The following DNAAF11 variants were observed in gnomAD, a reference collection of about 807,000 sequenced individuals.
DNAAF11 encodes leucine rich repeat containing 6.
DNAAF11 carries 45 observed loss-of-function variants against 60.8 expected under a neutral mutation model. The observed-to-expected ratio is 0.74, with a 90% CI of 0.58 to 0.95. DNAAF11 has a LOEUF of 0.95. DNAAF11 is among the 40% of genes least tolerant of loss of function. The pLI is 0.00. For missense variants in DNAAF11, 546 were observed against 546.2 expected (o/e 1.00, Z 0.00); for synonymous variants, 191 against 183.5 (o/e 1.04, Z -0.33).
chr8:132,632,838 T>C lies in DNAAF11; in HGVS notation c.555A>G (p.Glu185=). 3 of 1,613,790 alleles carry C rather than the reference T, an allele frequency of 1.9e-6. No individual in the cohort carries two copies. Among genetic ancestry groups the C allele is most frequent in the South Asian group, 1.1e-5 (1 of 91,076 alleles). ...DHCLKRAKLK[E]EAQRKHQEED... ...CTTCTTGGTGTTTCCTCTGAGCCTC[T>C]TCCTTGAGTTTGGCTCGTTTAAGAC... Residue 185 remains glutamate (E), a synonymous_variant, in exon 5 of 12, where the codon GAA becomes GAG. Coordinates refer to ENST00000620350, the MANE Select transcript of DNAAF11 (RefSeq NM_012472.6).
intron 8 of DNAAF11, among the ~76,000 whole-genome samples, chr8:132,613,502 G>T (rs777819094): frequency 4.0e-4 from 61 of 152,314 alleles, no homozygotes; most frequent in Middle Eastern, 6.8e-3. Context: ...ACAGAAAACA[G>T]ATTAGTGGTT....
At position 132,574,295 on chromosome 8, in the gene DNAAF11, A is replaced by G. The variant is rs148081203; in HGVS notation, c.1227-1815T>C. Among the ~76,000 whole-genome samples the G allele has an allele frequency of 4.9e-3, 740 of 152,334 alleles. 11 individuals are homozygous for G. The highest frequency in any genetic ancestry group is 0.017 in the African/African-American group (712 of 41,586). On this transcript the variant is annotated intron_variant, in intron 11 of 11. Coordinates refer to ENST00000620350, the MANE Select transcript of DNAAF11 (RefSeq NM_012472.6). The stretch of plus-strand genomic sequence containing the variant: ...GGTAGGCCTGCAAGGTTGGGCATTG[A>G]CTGGTAAGCTGTTCCCTACAGCCAC...
At chr8:132,574,708 C>CCT in intron 11 of DNAAF11, among the ~76,000 whole-genome samples, 1 of 152,258 alleles carries the variant, frequency 6.6e-6, no homozygotes, top group Non-Finnish European at 1.5e-5. Context: ...AATCTCTGAA[C>CCT]CTGGGGTCAT....
chr8:132,639,030 T>C (rs926918597), intron 3 of DNAAF11, among the ~76,000 whole-genome samples: 2 of 152,220 alleles, frequency 1.3e-5, no homozygotes, highest in South Asian at 2.1e-4. Context: ...GCGAAGATAA[T>C]ATACGATGAC....
intron 10 of DNAAF11, among the ~76,000 whole-genome samples, chr8:132,608,114 G>T (rs995262886): frequency 1.3e-5 from 2 of 151,956 alleles, no homozygotes; most frequent in African/African-American, 4.8e-5. Context: ...TTTAACTTTT[G>T]GTGGTTTTTA....
intron 3 of DNAAF11, among the ~76,000 whole-genome samples, chr8:132,653,173 C>A (rs1823196151): frequency 6.6e-6 from 1 of 150,890 alleles, no homozygotes; most frequent in Non-Finnish European, 1.5e-5. Context: ...TTAAAAAACA[C>A]AAAAGAAAGT....
Position 132,661,461 on chromosome 8 carries a change from A to C in DNAAF11, c.177T>G (p.Ile59Met). 1 of 1,610,686 alleles carries C rather than the reference A, an allele frequency of 6.2e-7. No individual in the cohort carries two copies. Among genetic ancestry groups the C allele is most frequent in the South Asian group, 1.1e-5 (1 of 90,414 alleles). ...LYLQNNLIGK[I>M]ENVSKLKKLE... ...TGAGAACTAAGTACTGAAACTTACC[A>C]ATTTTCCCAATAAGATTATTTTGAA... Residue 59 changes from isoleucine to methionine, a missense_variant and splice_region_variant, in exon 2 of 12, where the codon ATT becomes ATG. Coordinates refer to ENST00000620350, the MANE Select transcript of DNAAF11 (RefSeq NM_012472.6).
chr8:132,667,876 T>TGTCCTGCTG (rs1824787589), intron 1 of DNAAF11, among the ~76,000 whole-genome samples: 1 of 152,234 alleles, frequency 6.6e-6, no homozygotes, highest in Non-Finnish European at 1.5e-5. Context: ...TACTGGAGGC[T>TGTCCTGCTG]GTCCTGCTGT....
At chr8:132,603,284 G>A (rs1490016813) in intron 10 of DNAAF11, among the ~76,000 whole-genome samples, 1 of 152,112 alleles carries the variant, frequency 6.6e-6, no homozygotes, top group Non-Finnish European at 1.5e-5. Context: ...TAGTATGTAG[G>A]AAGGAGTACA....
At chr8:132,681,968 T>C in the DNAAF11 span, among the ~76,000 whole-genome samples, 1 of 152,232 alleles carries the variant, frequency 6.6e-6, no homozygotes, top group South Asian at 2.1e-4. Context: ...GTTTAGTTGA[T>C]TGAATTTTGC....
chr8:132,625,186 C>G, intron 6 of DNAAF11, 86 bp downstream of exon 6: 1 of 1,070,556 alleles, frequency 9.3e-7, no homozygotes, highest in Non-Finnish European at 1.3e-6. Flanking sequence ...AGGTTTAACA[C>G]AAATAATGGG....
intron 5 of DNAAF11, among the ~76,000 whole-genome samples, chr8:132,626,722 C>T (rs144941765): frequency 2.6e-5 from 4 of 152,228 alleles, no homozygotes; most frequent in Admixed American, 6.5e-5. Context: ...CTAGAATAGA[C>T]ACTTTATTAG....
chr8:132,690,191 T>G, the DNAAF11 span, among the ~76,000 whole-genome samples: 1 of 152,174 alleles, frequency 6.6e-6, no homozygotes, highest in Non-Finnish European at 1.5e-5. Flanking sequence ...AATCTTACAT[T>G]GGTGATATGG....
At chr8:132,690,791 G>A in the DNAAF11 span, among the ~76,000 whole-genome samples, 2 of 152,126 alleles carry the variant, frequency 1.3e-5, no homozygotes, top group Non-Finnish European at 2.9e-5. Flanking sequence ...GTATTTTGTA[G>A]AATGTCCTTC....
chr8:132,688,670 G>T, the DNAAF11 span, among the ~76,000 whole-genome samples: 1 of 152,164 alleles, frequency 6.6e-6, no homozygotes, highest in Non-Finnish European at 1.5e-5. Context: ...GCCTGCATGA[G>T]AATAAAGCCA....
In DNAAF11 at chr8:132,625,417, C is replaced by G. The variant is rs763823977; in HGVS notation, c.691G>C (p.Asp231His). ...LESKDHLQAP[D>H]TEEHNTKKLD... ...TTCTTTGTGTTGTGTTCCTCTGTGT[C>G]TGGTGCCTGTAGGTGGTCTTTGCTC... The change falls in exon 6 of 12, where the codon GAC becomes CAC. Residue 231 changes from aspartate to histidine, a missense_variant. Physicochemically the swap from Asp to His is moderately conservative, Grantham distance 81. Transcript: ENST00000620350. 4.5e-5 allele frequency: 72 copies of G among 1,612,260 alleles called. No homozygotes were observed. Among genetic ancestry groups the G allele is most frequent in the Non-Finnish European group, 5.9e-5 (69 of 1,179,252 alleles).
intron 10 of DNAAF11, among the ~76,000 whole-genome samples, chr8:132,603,568 G>C (rs781707167): frequency 6.6e-6 from 1 of 151,706 alleles, no homozygotes; most frequent in Non-Finnish European, 1.5e-5. Context: ...GAGGTTATTG[G>C]AGACATCAAA....
chr8:132,605,168 C>A (rs1818008785), intron 10 of DNAAF11, among the ~76,000 whole-genome samples: 1 of 152,086 alleles, frequency 6.6e-6, no homozygotes, highest in East Asian at 1.9e-4. Flanking sequence ...CTACTGATAT[C>A]ATTTTATGAA....
At chr8:132,699,941 C>T in the DNAAF11 span, among the ~76,000 whole-genome samples, 1 of 152,104 alleles carries the variant, frequency 6.6e-6, no homozygotes, top group Admixed American at 6.5e-5. Flanking sequence ...CAGGGAAGGG[C>T]AGAATGGAGA....
Sources: allele counts gnomAD v4.1 joint callset (sites outside exome capture counted in the v4.1 genomes callset), GRCh38; gene constraint gnomAD v4.1.1; transcripts MANE v1.5; gene names NCBI Gene and HGNC (gene_info 2026-07-23, HGNC 2026-07-21).